Variants in ZNF83 observed in about 807,000 individuals in gnomAD.
ZNF83 encodes zinc finger protein 83.
For missense variants in ZNF83, 552 were observed against 629.9 expected, an observed-to-expected ratio of 0.88 and a Z score of 1.32; for synonymous variants, 209 against 213.0, an observed-to-expected ratio of 0.98 and a Z score of 0.17.
intron 1 of ZNF83, among the ~76,000 whole-genome samples, chr19:52,668,449 A>G (rs1568574207): frequency 6.6e-6 from 1 of 151,970 alleles, no homozygotes; most frequent in African/African-American, 2.4e-5. Flanking sequence ...ACCACTAGCA[A>G]CTCTAACCCA....
chr19:52,631,779 C>T lies in ZNF83; in HGVS notation c.-234+3287G>A, dbSNP rs57773164. On this transcript the variant is annotated intron_variant, in intron 2 of 2. Transcript: ENST00000301096. ...TGATGGCGGTTCCACCAGGCCTAAT[C>T]GCCACACACCAGCAAAGGCAGGCTA... Among the ~76,000 whole-genome samples, 417 of 150,958 alleles carry T rather than the reference C, an allele frequency of 2.8e-3. 2 individuals carry two copies. The highest frequency in any genetic ancestry group is 8.8e-3 in the South Asian group (42 of 4,754).
rs140609808 is a variant in ZNF83, at chr19:52,664,472, G to C, written c.-282-3629C>G. 8.4e-3 allele frequency among the ~76,000 whole-genome samples: 1,272 copies of C among 152,086 alleles called. 15 individuals are homozygous for C. Among genetic ancestry groups the C allele is most frequent in the South Asian group, 0.05 (240 of 4,816 alleles). On this transcript the variant is annotated intron_variant, in intron 1 of 5. Coordinates refer to the ZNF83 transcript ENST00000594682. ...GATCCTGTAACAGCTCTCCAACCTG[G>C]GTGTCAAAGTGAGACCCCATCTCCA...
chr19:52,623,089 G>A (rs1038810195), intron 2 of ZNF83, among the ~76,000 whole-genome samples: 1 of 152,194 alleles, frequency 6.6e-6, no homozygotes, highest in African/African-American at 2.4e-5. Context: ...CCCAAGCCAC[G>A]TCCCATCTGT....
At chr19:52,651,224 C>T (rs990802925) in intron 3 of ZNF83, 1 of 152,210 alleles carries the variant, frequency 6.6e-6, no homozygotes, top group Non-Finnish European at 1.5e-5. Context: ...CAGTGGTTTA[C>T]AGAAATAGAC....
At chr19:52,615,996 G>A (rs1305198005) in intron 2 of ZNF83, among the ~76,000 whole-genome samples, 1 of 152,070 alleles carries the variant, frequency 6.6e-6, no homozygotes, top group African/African-American at 2.4e-5. Context: ...CTGCCACCAT[G>A]CCCAGCTAAC....
chr19:52,639,881 T>C (rs778317791), upstream of ZNF83, among the ~76,000 whole-genome samples: 9 of 152,308 alleles, frequency 5.9e-5, no homozygotes, highest in South Asian at 6.2e-4. Flanking sequence ...GATGGGAAAT[T>C]GAGGCAAACA....
intron 2 of ZNF83, among the ~76,000 whole-genome samples, chr19:52,620,030 C>G (rs546297006): frequency 6.6e-6 from 1 of 152,242 alleles, no homozygotes; most frequent in Non-Finnish European, 1.5e-5. Context: ...GCCTGGGCAA[C>G]AAAGCGAGGC....
At chr19:52,663,585 T>C (rs2061607234) in intron 1 of ZNF83, among the ~76,000 whole-genome samples, 1 of 152,180 alleles carries the variant, frequency 6.6e-6, no homozygotes, top group African/African-American at 2.4e-5. Flanking sequence ...ATTTTGATGT[T>C]AGTGTAAAGA....
chr19:52,625,081 T>C (rs1028901576), intron 2 of ZNF83, among the ~76,000 whole-genome samples: 5 of 151,994 alleles, frequency 3.3e-5, no homozygotes, highest in Non-Finnish European at 7.4e-5. Flanking sequence ...ATTTGGTTTA[T>C]TGATGGCAGT....
At chr19:52,619,458 T>C (rs1478869985) in intron 2 of ZNF83, among the ~76,000 whole-genome samples, 1 of 152,122 alleles carries the variant, frequency 6.6e-6, no homozygotes, top group Non-Finnish European at 1.5e-5. Context: ...AAACTCTGTC[T>C]GTACTAAAAA....
chr19:52,679,707 T>TG lies in ZNF83; in HGVS notation c.-283+10735dup, dbSNP rs2061876306. ...ATAACCTGGTCCACGCTGACAATTCTGCTCAGGGTTTCCAGGGCGCCTCTG... is the reference window on the plus strand; with the variant it reads ...ATAACCTGGTCCACGCTGACAATTCTGGCTCAGGGTTTCCAGGGCGCCTCTG... On this transcript the variant is annotated intron_variant, in intron 1 of 5. Coordinates refer to the ZNF83 transcript ENST00000594682. 2.0e-5 allele frequency among the ~76,000 whole-genome samples: 3 copies of TG among 152,328 alleles called. No homozygotes were observed. In the East Asian group the frequency reaches 5.8e-4, roughly 29 times the overall value.
At chr19:52,651,279 G>A (rs1244384267) in intron 3 of ZNF83, 1 of 152,212 alleles carries the variant, frequency 6.6e-6, no homozygotes, top group Non-Finnish European at 1.5e-5. Context: ...AAGATAGTCA[G>A]GATATATTCA....
chr19:52,689,269 T>C (rs1161020902), intron 1 of ZNF83, among the ~76,000 whole-genome samples: 1 of 152,232 alleles, frequency 6.6e-6, no homozygotes, highest in African/African-American at 2.4e-5. Context: ...TAAACAATTC[T>C]GTTTCTCTCA....
chr19:52,634,671 C>T (rs944451055), intron 2 of ZNF83, among the ~76,000 whole-genome samples: 1 of 152,118 alleles, frequency 6.6e-6, no homozygotes, highest in African/African-American at 2.4e-5. Flanking sequence ...CTAGAATTTA[C>T]CACATACTTC....
At chr19:52,686,030 T>G (rs143341946) in intron 1 of ZNF83, among the ~76,000 whole-genome samples, 2,093 of 151,662 alleles carry the variant, frequency 0.014, 17 homozygotes, top group Middle Eastern at 0.044. Flanking sequence ...ACTTAATAGC[T>G]CCCAGCTCAA....
chr19:52,674,436 T>A (rs975107795), intron 1 of ZNF83, among the ~76,000 whole-genome samples: 1 of 152,132 alleles, frequency 6.6e-6, no homozygotes, highest in Non-Finnish European at 1.5e-5. Context: ...AGCAATGAAA[T>A]AGCAAAAGAA....
chr19:52,614,578 A>ATGAGACTTTCCT, exon 3 of ZNF83: 1 of 1,565,332 alleles, frequency 6.4e-7, no homozygotes, highest in Non-Finnish European at 8.7e-7. Flanking sequence ...TCTTCTACCA[A>ATGAGACTTTCCT]TGAGACTTTC....
intron 1 of ZNF83, among the ~76,000 whole-genome samples, chr19:52,666,163 C>A (rs199801642): frequency 0.011 from 1,116 of 101,810 alleles, no homozygotes; most frequent in African/African-American, 0.011. Context: ...GACTCCATCT[C>A]AAAAAAAAAA....
At position 52,679,761 on chromosome 19, in the gene ZNF83, C is replaced by T. The variant is rs116811276; in HGVS notation, c.-283+10682G>A. 2.4e-3 allele frequency among the ~76,000 whole-genome samples: 362 copies of T among 152,282 alleles called. 3 individuals carry two copies. The highest frequency in any genetic ancestry group is 8.2e-3 in the African/African-American group (341 of 41,550). On this transcript the variant is annotated intron_variant, in intron 1 of 5. Transcript: ENST00000594682. ...AGAGCAGGATGATGTTCAATCATAA[C>T]AGTCAAAGTGTTCTTCATGAATTTT...
Sources: allele counts gnomAD v4.1 joint callset (sites outside exome capture counted in the v4.1 genomes callset), GRCh38; gene constraint gnomAD v4.1.1; transcripts MANE v1.5; gene names NCBI Gene and HGNC (gene_info 2026-07-23, HGNC 2026-07-21).